Variants in PDGFRA observed in about 807,000 individuals in gnomAD.
PDGFRA encodes platelet derived growth factor receptor alpha, also known as platelet-derived growth factor receptor alpha.
A neutral mutation model predicts 121.5 loss-of-function variants in PDGFRA; 25 were observed. The observed-to-expected ratio is 0.21, with a 90% CI of 0.15 to 0.29. PDGFRA has a LOEUF of 0.29. PDGFRA is among the 10% of genes least tolerant of loss of function. The pLI is 1.00. For missense variants in PDGFRA, 1,008 were observed against 1,345.1 expected (o/e 0.75, Z 3.92); for synonymous variants, 463 against 494.8 (o/e 0.94, Z 0.85).
At chr4:54,277,342 G>T (rs892271344) in intron 12 of PDGFRA, 46 bp from the exon 13 acceptor site, 1 of 1,296,128 alleles carries the variant, frequency 7.7e-7, no homozygotes, top group Non-Finnish European at 1.1e-6. Context: ...GAAAGCTGAG[G>T]AGGCGTCTGG....
At chr4:54,278,794 A>G in intron 15 of PDGFRA, 1 of 579,312 alleles carries the variant, frequency 1.7e-6, no homozygotes. Flanking sequence ...TTTACATGTG[A>G]TCCACTTAGA....
At chr4:54,272,235 G>A (rs145309474) in intron 8 of PDGFRA, among the ~76,000 whole-genome samples, 159 bp from the exon 9 acceptor site, 58 of 151,978 alleles carry the variant, frequency 3.8e-4, no homozygotes, top group African/African-American at 1.4e-3. Context: ...AACCATGTGG[G>A]TCTGTCTAAA....
At chr4:54,290,667 G>T in intron 22 of PDGFRA, 113 bp downstream of exon 22, 2 of 1,221,908 alleles carry the variant, frequency 1.6e-6, no homozygotes, top group East Asian at 4.7e-5. Context: ...TATGTACTCA[G>T]GGACAAGTTG....
At chr4:54,261,489 T>C in intron 3 of PDGFRA, 77 bp downstream of exon 3, 1 of 821,144 alleles carries the variant, frequency 1.2e-6, no homozygotes, top group Non-Finnish European at 1.9e-6. Flanking sequence ...GTTTTAAACA[T>C]ATATATAAAT....
intron 3 of PDGFRA, 150 bp from the exon 4 acceptor site, chr4:54,263,517 C>T: frequency 1.3e-6 from 1 of 777,476 alleles, no homozygotes; most frequent in Non-Finnish European, 2.3e-6. Flanking sequence ...GTCATGATAA[C>T]TAATGCCAGT....
intron 1 of PDGFRA, chr4:54,240,217 A>G (rs978326478): frequency 5.4e-6 from 1 of 184,464 alleles, no homozygotes; most frequent in Non-Finnish European, 1.2e-5. Context: ...TTCTTATTTC[A>G]TGTTTGTAGT....
At chr4:54,268,341 T>G (rs1723154057) in intron 7 of PDGFRA, among the ~76,000 whole-genome samples, 1 of 152,184 alleles carries the variant, frequency 6.6e-6, no homozygotes, top group Non-Finnish European at 1.5e-5. Flanking sequence ...AGCCACAGTT[T>G]CCTCATCTAC....
intron 13 of PDGFRA, 93 bp downstream of exon 13, chr4:54,277,585 T>TA: frequency 1.2e-6 from 1 of 848,638 alleles, no homozygotes; most frequent in Non-Finnish European, 2.0e-6. Flanking sequence ...AGCTAGTAAA[T>TA]AAGACATTTA....
chr4:54,254,082 A>G (rs1281753791), intron 1 of PDGFRA, among the ~76,000 whole-genome samples: 1 of 152,186 alleles, frequency 6.6e-6, no homozygotes, highest in East Asian at 1.9e-4. Context: ...CCAGAATAGC[A>G]TTACTAATTA....
intron 2 of PDGFRA, among the ~76,000 whole-genome samples, chr4:54,259,294 A>G (rs1298299471): frequency 1.3e-5 from 2 of 152,190 alleles, no homozygotes. Context: ...CACTCCAGCA[A>G]CATAGCAAGA....
intron 16 of PDGFRA, among the ~76,000 whole-genome samples, chr4:54,281,331 T>C (rs1029245813): frequency 4.6e-5 from 7 of 152,208 alleles, no homozygotes; most frequent in Non-Finnish European, 8.8e-5. Context: ...GTTTTGGAAA[T>C]TATTGATGTG....
At position 54,286,128 on chromosome 4, in the gene PDGFRA, C is replaced by T. The variant is rs191482642; in HGVS notation, c.2562+165C>T. ...CAGATTGCCCAGGTTTGAGTGCCAGCTCCACCACTTACTTAATTTGGATTT... is the reference window on the plus strand; with the variant it reads ...CAGATTGCCCAGGTTTGAGTGCCAGTTCCACCACTTACTTAATTTGGATTT... On this transcript the variant is annotated intron_variant, in intron 18 of 22. Coordinates refer to ENST00000257290, the MANE Select transcript of PDGFRA (RefSeq NM_006206.6). Among the ~76,000 whole-genome samples the T allele has an allele frequency of 2.5e-3, 385 of 152,252 alleles. 1 individual carries two copies. Among genetic ancestry groups the T allele is most frequent in the Admixed American group, 5.0e-3 (77 of 15,290 alleles).
At chr4:54,263,598 T>C in intron 3 of PDGFRA, 69 bp from the exon 4 acceptor site, 1 of 1,477,706 alleles carries the variant, frequency 6.8e-7, no homozygotes, top group Admixed American at 1.7e-5. Flanking sequence ...AGTGGGATAG[T>C]TTTTCTGGAT....
chr4:54,265,029 T>C lies in PDGFRA; in HGVS notation c.739T>C (p.Trp247Arg). The change falls in exon 5 of 23, where the codon TGG becomes CGG. Residue 247 changes from tryptophan (W) to arginine (R), a missense_variant. Coordinates refer to ENST00000257290, the MANE Select transcript of PDGFRA (RefSeq NM_006206.6). The stretch of plus-strand genomic sequence containing the variant: ...TAACAATGAGGTGGTTGACCTTCAA[T>C]GGACTTACCCTGGAGAAGTGGTAGG... Reference protein sequence around the residue: ...VFNNEVVDLQWTYPGEVKGKG... With the variant: ...VFNNEVVDLQRTYPGEVKGKG... The C allele has an allele frequency of 6.2e-7, 1 of 1,613,820 alleles. No homozygotes were observed.
intron 16 of PDGFRA, among the ~76,000 whole-genome samples, chr4:54,282,595 G>A (rs898072304): frequency 6.6e-6 from 1 of 152,094 alleles, no homozygotes; most frequent in Non-Finnish European, 1.5e-5. Flanking sequence ...TGAGATTTGG[G>A]TGGGGACACA....
At chr4:54,246,273 A>G (rs1721656451) in intron 1 of PDGFRA, among the ~76,000 whole-genome samples, 1 of 152,242 alleles carries the variant, frequency 6.6e-6, no homozygotes, top group South Asian at 2.1e-4. Context: ...CATGTTTTTC[A>G]GCACCACACC....
intron 19 of PDGFRA, among the ~76,000 whole-genome samples, chr4:54,288,115 G>T (rs557772969): frequency 6.6e-6 from 1 of 152,214 alleles, no homozygotes; most frequent in East Asian, 1.9e-4. Flanking sequence ...ACACACTTAG[G>T]GATAAACAGT....
rs3816888 is a variant in PDGFRA at position 54,280,594 on chromosome 4, C to T, written c.2323+112C>T. On this transcript the variant is annotated intron_variant, in intron 16 of 22. Coordinates refer to ENST00000257290, the MANE Select transcript of PDGFRA (RefSeq NM_006206.6). ...GATGGTAAGTGAACCTGGCAGCCCACGTGGTCTCTAAATGCAGGTCTGCAC... is the reference window on the plus strand; with the variant it reads ...GATGGTAAGTGAACCTGGCAGCCCATGTGGTCTCTAAATGCAGGTCTGCAC... The T allele has an allele frequency of 5.4e-4, 454 of 840,928 alleles. 2 individuals carry two copies. In the East Asian group the frequency reaches 0.012, roughly 22 times the overall value. The allele number at this position is 840,928 out of a possible 1,614,324, so 52.1% of individuals were successfully genotyped here. A position where few individuals can be genotyped will look rare whatever the true frequency, so the allele number is the denominator to read the frequency against.
intron 1 of PDGFRA, among the ~76,000 whole-genome samples, chr4:54,240,444 G>A (rs1252443299): frequency 2.0e-5 from 3 of 152,104 alleles, no homozygotes; most frequent in Admixed American, 6.5e-5. Flanking sequence ...TGGGCTTTTC[G>A]GCATTTGGAT....
Sources: gnomAD v4.1 joint callset for allele counts (sites outside exome capture counted in the v4.1 genomes callset) on GRCh38, gnomAD v4.1.1 for gene constraint, MANE v1.5 for transcripts, NCBI Gene and HGNC (gene_info 2026-07-23, HGNC 2026-07-21) for gene names.